The following NBPF15 variants were observed in gnomAD, a reference collection of about 807,000 sequenced individuals.
NBPF15 encodes the protein NBPF member 15.
In NBPF15, 74 loss-of-function variants were observed where a neutral mutation model predicts 62.2. The ratio of observed to expected loss-of-function variants is 1.19; its 90% CI spans 0.99 to 1.44. The LOEUF (loss-of-function observed/expected upper bound fraction) is 1.44, where lower values mean the gene tolerates loss of function less well. Ranked by LOEUF, NBPF15 falls within the 40% of genes most tolerant of loss-of-function variation. NBPF15 has a pLI of 0.00. For missense variants in NBPF15, 790 were observed against 550.0 expected (o/e 1.44, Z -4.36); for synonymous variants, 244 against 209.7 (o/e 1.16, Z -1.41).
At chr1:144,425,205 C>T (rs1463239155) in intron 19 of NBPF15, among the ~76,000 whole-genome samples, 2 of 127,798 alleles carry the variant, frequency 1.6e-5, no homozygotes, top group African/African-American at 6.7e-5. Context: ...CCTCAGGACA[C>T]ACAGCATACA....
In NBPF15 at chr1:144,429,149, T is replaced by C. The variant is rs587722989; in HGVS notation, c.989-492A>G. Among the ~76,000 whole-genome samples the C allele has an allele frequency of 9.2e-5, 14 of 151,560 alleles. 1 individual carries two copies. In the South Asian group the frequency reaches 2.7e-3, roughly 29 times the overall value. On this transcript the variant is annotated intron_variant, in intron 14 of 21. Coordinates refer to ENST00000581897, the MANE Select transcript of NBPF15 (RefSeq NM_001385408.1). ...GCTTTTGTGGGTGAAAAGTCAGCCG[T>C]TTATCTAGAAAACGTACCAGGAACA...
At chr1:144,442,429 T>A (rs1684183874) in intron 6 of NBPF15, among the ~76,000 whole-genome samples, 1 of 144,288 alleles carries the variant, frequency 6.9e-6, no homozygotes, top group South Asian at 2.1e-4. Context: ...TATATATATA[T>A]ATTTTTTTCT....
chr1:144,432,458 A>G (rs1553540360), intron 13 of NBPF15, among the ~76,000 whole-genome samples: 2 of 152,056 alleles, frequency 1.3e-5, no homozygotes. Flanking sequence ...ACACATAACA[A>G]TATTAACCTT....
At chr1:144,424,010 G>T (rs1553538782) in intron 20 of NBPF15, 35 bp from the exon 21 acceptor site, 3 of 762,498 alleles carry the variant, frequency 3.9e-6, no homozygotes, top group African/African-American at 1.7e-5. Flanking sequence ...GACACATTAA[G>T]CTGATTCCCC....
rs1355741336 is a variant in NBPF15, at chr1:144,423,989, A to C, written c.1664-14T>G. ...TCTTTTCAATTTCTGCAATAAATTCAGACATGGACAGACACATTAAGCTGA... is the reference window on the plus strand; with the variant it reads ...TCTTTTCAATTTCTGCAATAAATTCCGACATGGACAGACACATTAAGCTGA... On this transcript the variant is annotated splice_polypyrimidine_tract_variant and intron_variant, in intron 20 of 21. Coordinates refer to ENST00000581897, the MANE Select transcript of NBPF15 (RefSeq NM_001385408.1). 1.3e-5 allele frequency: 10 copies of C among 763,758 alleles called. No individual in the cohort carries two copies. Among genetic ancestry groups the C allele is most frequent in the Non-Finnish European group, 2.2e-5 (9 of 416,956 alleles). The allele number at this position is 763,758 out of a possible 1,614,324, so 47.3% of individuals were successfully genotyped here. A position where few individuals can be genotyped will look rare whatever the true frequency, so the allele number is the denominator to read the frequency against.
intron 6 of NBPF15, among the ~76,000 whole-genome samples, chr1:144,447,676 C>A (rs782231341): frequency 6.6e-6 from 1 of 151,954 alleles, no homozygotes; most frequent in Admixed American, 6.6e-5. Context: ...ACACTAATAT[C>A]CCCAAGTCTG....
chr1:144,424,027 T>C (rs200142803), intron 20 of NBPF15, 52 bp from the exon 21 acceptor site: 51 of 760,456 alleles, frequency 6.7e-5, no homozygotes, highest in East Asian at 1.5e-4. Context: ...CCCCTACACA[T>C]ATAACAATCC....
intron 3 of NBPF15, among the ~76,000 whole-genome samples, chr1:144,457,314 C>G (rs1222041777): frequency 5.9e-5 from 9 of 151,768 alleles, no homozygotes; most frequent in African/African-American, 1.7e-4. Flanking sequence ...ATCTCATCTA[C>G]TGGTCTATCT....
intron 6 of NBPF15, among the ~76,000 whole-genome samples, chr1:144,446,996 TTAG>T (rs1197390904): frequency 2.7e-5 from 4 of 149,354 alleles, no homozygotes; most frequent in East Asian, 2.0e-4. Context: ...AGTTGACTTC[TTAG>T]TAGATTTCCC....
At chr1:144,436,238 A>G (rs1678220763) in intron 10 of NBPF15, among the ~76,000 whole-genome samples, 1 of 152,024 alleles carries the variant, frequency 6.6e-6, no homozygotes, top group Middle Eastern at 3.4e-3. Context: ...AAGCAGACAA[A>G]CTTGTCCCAC....
chr1:144,428,706 G>C, intron 14 of NBPF15, 49 bp from the exon 15 acceptor site: 1 of 791,670 alleles, frequency 1.3e-6, no homozygotes, highest in South Asian at 1.3e-5. Flanking sequence ...GTTCTTCCTT[G>C]CACACAGAAA....
rs1344235252 is a variant in NBPF15, at chr1:144,444,186, C to T, written c.-190-3891G>A. 6.4e-4 allele frequency among the ~76,000 whole-genome samples: 97 copies of T among 150,494 alleles called. 1 individual carries two copies. The highest frequency in any genetic ancestry group is 1.6e-3 in the African/African-American group (64 of 40,596). ...GAAGAAACTATCATGAACATCCATA[C>T]GTGGCAGGCCAGGTCTCACTAACAC... is the stretch of plus-strand genomic sequence containing the variant. On this transcript the variant is annotated intron_variant, in intron 6 of 21. Coordinates refer to ENST00000581897, the MANE Select transcript of NBPF15 (RefSeq NM_001385408.1).
At position 144,423,246 on chromosome 1, in the gene NBPF15, C is replaced by A. The variant is rs144416833; in HGVS notation, c.1780G>T (p.Val594Leu). 11 of 1,611,386 alleles carry A rather than the reference C, an allele frequency of 6.8e-6. No homozygotes were observed. Among genetic ancestry groups the A allele is most frequent in the Non-Finnish European group, 9.3e-6 (11 of 1,179,586 alleles). Residue 594 changes from valine to leucine, a missense_variant, in exon 22 of 22, where the codon GTG becomes TTG. Coordinates refer to ENST00000581897, the MANE Select transcript of NBPF15 (RefSeq NM_001385408.1). Reference protein sequence around the residue: ...DNPPCPRLYGVLMEVEEPEVL... With the variant: ...DNPPCPRLYGLLMEVEEPEVL... Reference sequence around the variant, plus strand: ...TCAGGCTCTTCCACTTCCATCAGCACGCCGTAGAGCCTGGAAAAGGAGACA... The same window carrying A: ...TCAGGCTCTTCCACTTCCATCAGCAAGCCGTAGAGCCTGGAAAAGGAGACA...
intron 21 of NBPF15, 69 bp from the exon 22 acceptor site, chr1:144,423,325 C>A (rs1667076112): frequency 1.9e-6 from 3 of 1,610,194 alleles, no homozygotes; most frequent in Non-Finnish European, 2.5e-6. Flanking sequence ...CACTAGATTT[C>A]AGAAGTAATA....
At chr1:144,424,449 T>C (rs1240216573) in intron 20 of NBPF15, among the ~76,000 whole-genome samples, 1 of 151,970 alleles carries the variant, frequency 6.6e-6, no homozygotes, top group East Asian at 1.9e-4. Flanking sequence ...TCCAATGTCA[T>C]GAGAGTAGAA....
At chr1:144,447,884 C>T (rs1485860963) in intron 6 of NBPF15, among the ~76,000 whole-genome samples, 2 of 152,002 alleles carry the variant, frequency 1.3e-5, no homozygotes, top group Non-Finnish European at 2.9e-5. Context: ...TACACAGAGA[C>T]TGCCAGGCTG....
chr1:144,424,960 A>C (rs1668539191), intron 19 of NBPF15, 98 bp from the exon 20 acceptor site: 1 of 432,158 alleles, frequency 2.3e-6, no homozygotes, highest in African/African-American at 3.2e-5. Flanking sequence ...GTGGTTAAAA[A>C]ACTAAAAGGA....
chr1:144,429,255 T>A (rs1273671691), intron 14 of NBPF15, among the ~76,000 whole-genome samples: 1 of 148,830 alleles, frequency 6.7e-6, no homozygotes, highest in Non-Finnish European at 1.5e-5. Flanking sequence ...GGGTCACATC[T>A]TTCACTGAGA....
chr1:144,448,358 T>C, intron 6 of NBPF15, among the ~76,000 whole-genome samples: 1 of 152,152 alleles, frequency 6.6e-6, no homozygotes, highest in Middle Eastern at 3.4e-3. Flanking sequence ...TTCCTGGTGG[T>C]ATTTCAGATA....
Sources: allele counts gnomAD v4.1 joint callset (sites outside exome capture counted in the v4.1 genomes callset), GRCh38; gene constraint gnomAD v4.1.1; transcripts MANE v1.5; gene names NCBI Gene and HGNC (gene_info 2026-07-23, HGNC 2026-07-21).